Variants in JMJD1C observed in about 807,000 individuals in gnomAD.
The protein encoded by JMJD1C is jumonji domain containing 1C.
In JMJD1C, 31 loss-of-function variants were observed where a neutral mutation model predicts 245.3. That is an observed-to-expected ratio of 0.13 (90% CI 0.09 to 0.17). The LOEUF is 0.17. JMJD1C is among the 10% of genes least tolerant of loss of function. The pLI is 1.00. For synonymous variants in JMJD1C, 1,057 were observed against 1,017.4 expected (o/e 1.04, Z -0.74); for missense variants, 2,691 against 3,000.2 (o/e 0.90, Z 2.41).
At position 63,176,513 on chromosome 10, in the gene JMJD1C, G is replaced by A. The variant is rs752363404; in HGVS notation, c.7225-40C>T. The A allele has an allele frequency of 6.2e-6, 9 of 1,450,410 alleles. No individual in the cohort carries two copies. In the African/African-American group the frequency reaches 1.3e-4, roughly 20 times the overall value. 89.8% of individuals were successfully genotyped at this position (1,450,410 alleles called of 1,614,324 possible). On this transcript the variant is annotated intron_variant, in intron 23 of 25. Coordinates refer to ENST00000399262, the MANE Select transcript of JMJD1C (RefSeq NM_032776.3). The stretch of plus-strand genomic sequence containing the variant: ...AAAATAGACACTCCAATTTAAGTAA[G>A]GAAATGGTAAATCCTGTTCAGTTAA...
At chr10:63,269,066 G>A (rs1855976533) in intron 2 of JMJD1C, 3 of 985,446 alleles carry the variant, frequency 3.0e-6, no homozygotes, top group African/African-American at 3.5e-5. Flanking sequence ...TCTGGGTCAG[G>A]ATAATTTCTC....
chr10:63,281,458 CTTTTT>C (rs71025144), intron 2 of JMJD1C, among the ~76,000 whole-genome samples: 45 of 65,358 alleles, frequency 6.9e-4, no homozygotes, highest in African/African-American at 2.8e-3. Flanking sequence ...TGCGCCTGGC[CTTTTT>C]TTTTTTTTTT....
chr10:63,257,161 A>C (rs1439953078), intron 3 of JMJD1C, among the ~76,000 whole-genome samples: 2 of 148,254 alleles, frequency 1.3e-5, no homozygotes, highest in African/African-American at 5.0e-5. Flanking sequence ...CACTTGAACC[A>C]GGGAGATGGA....
chr10:63,291,845 ATTT>A (rs1858762583), intron 2 of JMJD1C, among the ~76,000 whole-genome samples: 2 of 152,084 alleles, frequency 1.3e-5, no homozygotes, highest in Non-Finnish European at 1.5e-5. Context: ...CTAATCTTTT[ATTT>A]TAATCTGTCT....
At chr10:63,495,708 A>G (rs1954340819) in intron 1 of JMJD1C, among the ~76,000 whole-genome samples, 1 of 150,462 alleles carries the variant, frequency 6.6e-6, no homozygotes, top group Admixed American at 6.6e-5. Flanking sequence ...CAGTGAGCCG[A>G]GATCGCACCA....
At chr10:63,182,039 G>C (rs1843553459) in intron 22 of JMJD1C, among the ~76,000 whole-genome samples, 1 of 152,152 alleles carries the variant, frequency 6.6e-6, no homozygotes, top group Admixed American at 6.5e-5. Flanking sequence ...GGGATTTTAG[G>C]TTGTGTATTA....
chr10:63,251,678 A>G (rs1454885678), intron 3 of JMJD1C, among the ~76,000 whole-genome samples: 1 of 152,204 alleles, frequency 6.6e-6, no homozygotes, highest in African/African-American at 2.4e-5. Flanking sequence ...CATATTTAGG[A>G]TGCTGAAAGC....
intron 1 of JMJD1C, among the ~76,000 whole-genome samples, chr10:63,477,602 T>C (rs928760799): frequency 2.1e-5 from 3 of 146,328 alleles, no homozygotes; most frequent in Admixed American, 2.0e-4. Flanking sequence ...TTGCAGCATA[T>C]ACTGAAACTA....
chr10:63,299,241 G>A lies in JMJD1C; in HGVS notation c.334-34477C>T, dbSNP rs553304688. ...CTGTTGCCCAAGCTGAAGTGCAGTG[G>A]TGCAATCTTGGCTCACTGCAACCTT... On this transcript the variant is annotated intron_variant, in intron 2 of 25. Transcript: ENST00000399262. 7.2e-5 allele frequency among the ~76,000 whole-genome samples: 11 copies of A among 152,102 alleles called. 1 individual carries two copies. The highest frequency in any genetic ancestry group is 3.9e-4 in the Admixed American group (6 of 15,268).
chr10:63,411,034 T>C (rs1338509593), intron 1 of JMJD1C, among the ~76,000 whole-genome samples: 1 of 152,232 alleles, frequency 6.6e-6, no homozygotes, highest in Non-Finnish European at 1.5e-5. Context: ...CTTCTGTTGT[T>C]TCCATCCACC....
At chr10:63,201,029 CCTT>C (rs1564594456) in intron 10 of JMJD1C, among the ~76,000 whole-genome samples, 1 of 152,110 alleles carries the variant, frequency 6.6e-6, no homozygotes, top group Non-Finnish European at 1.5e-5. Flanking sequence ...AAAATACAGT[CCTT>C]CTATACCAAA....
At chr10:63,398,693 G>C (rs1589670368) in intron 1 of JMJD1C, among the ~76,000 whole-genome samples, 1 of 151,814 alleles carries the variant, frequency 6.6e-6, no homozygotes, top group East Asian at 1.9e-4. Flanking sequence ...ACCCAAGCTG[G>C]AGGGCAGTGG....
rs935909509 is a variant in JMJD1C, at chr10:63,388,782, C to T, written c.169-8300G>A. On this transcript the variant is annotated intron_variant, in intron 1 of 25. Transcript: ENST00000399262. Reference sequence around the variant, plus strand: ...AAATAATGGCACAACTATATGCTGCCCAAAAGAAACTCATCTCCCCTATAA... The same window carrying T: ...AAATAATGGCACAACTATATGCTGCTCAAAAGAAACTCATCTCCCCTATAA... 2.0e-5 allele frequency among the ~76,000 whole-genome samples: 3 copies of T among 151,928 alleles called. No individual in the cohort carries two copies. The East Asian group carries it at 5.8e-4, about 29-fold the overall frequency.
chr10:63,191,558 G>A (rs1158330335), intron 16 of JMJD1C, among the ~76,000 whole-genome samples: 2 of 152,146 alleles, frequency 1.3e-5, no homozygotes, highest in African/African-American at 4.8e-5. Context: ...ACAAACCTGA[G>A]GATGAGTGAG....
intron 3 of JMJD1C, among the ~76,000 whole-genome samples, chr10:63,260,723 G>A (rs990002128): frequency 6.7e-6 from 1 of 149,596 alleles, no homozygotes; most frequent in Non-Finnish European, 1.5e-5. Flanking sequence ...CAAAGTAGCT[G>A]GGATTACAGG....
At chr10:63,414,808 G>A (rs765049614) in intron 1 of JMJD1C, among the ~76,000 whole-genome samples, 22 of 151,794 alleles carry the variant, frequency 1.4e-4, no homozygotes, top group Non-Finnish European at 2.6e-4. Context: ...TCGGGTGGCT[G>A]AGACAGGAGA....
rs1057019956 is a variant in JMJD1C, at chr10:63,305,345, C to A, written c.334-40581G>T. 1.0e-4 allele frequency among the ~76,000 whole-genome samples: 14 copies of A among 138,554 alleles called. No homozygotes were observed. In the South Asian group the frequency reaches 3.1e-3, roughly 31 times the overall value. The allele number at this position is 138,554 out of a possible 152,430, so 90.9% of individuals were successfully genotyped here. ...ATCATACCACTGCACTCCAGCCTGG[C>A]GACGGAGCAAGACTCCACCTCAAAA... On this transcript the variant is annotated intron_variant, in intron 2 of 25. Coordinates refer to ENST00000399262, the MANE Select transcript of JMJD1C (RefSeq NM_032776.3).
At chr10:63,394,592 C>T (rs1411928476) in intron 1 of JMJD1C, among the ~76,000 whole-genome samples, 1 of 152,146 alleles carries the variant, frequency 6.6e-6, no homozygotes, top group Non-Finnish European at 1.5e-5. Context: ...TGCCTGTAAT[C>T]CCAGCACTTT....
chr10:63,353,287 CAATA>C (rs964434514), intron 2 of JMJD1C, among the ~76,000 whole-genome samples: 1 of 151,912 alleles, frequency 6.6e-6, no homozygotes, highest in African/African-American at 2.4e-5. Context: ...AAACTTACAG[CAATA>C]AATTGTGAAT....
Sources: gnomAD v4.1 joint callset for allele counts (sites outside exome capture counted in the v4.1 genomes callset) on GRCh38, gnomAD v4.1.1 for gene constraint, MANE v1.5 for transcripts, NCBI Gene and HGNC (gene_info 2026-07-23, HGNC 2026-07-21) for gene names.